The following COP1 variants were observed in gnomAD, a reference collection of about 807,000 sequenced individuals.
COP1 encodes E3 ubiquitin-protein ligase COP1.
In COP1, 24 loss-of-function variants were observed where a neutral mutation model predicts 101.3. That is an observed-to-expected ratio of 0.24 (90% confidence interval 0.17 to 0.33). COP1 has a LOEUF of 0.33. Among genes scored for constraint, COP1 ranks in the 10% least tolerant of loss-of-function variants. COP1 has a pLI of 1.00. For synonymous variants in COP1, 347 were observed against 341.9 expected (o/e 1.01, Z -0.17); for missense variants, 663 against 906.2 (o/e 0.73, Z 3.45).
intron 18 of COP1, among the ~76,000 whole-genome samples, chr1:175,973,869 A>T (rs1010338212): frequency 2.6e-5 from 4 of 152,262 alleles, no homozygotes; most frequent in Admixed American, 6.5e-5. Flanking sequence ...AACAGTGAGC[A>T]GCAAGATCTA....
rs185003711 is a variant in COP1 at position 175,962,628 on chromosome 1, T to C, written c.2134-15389A>G. On this transcript the variant is annotated intron_variant, in intron 18 of 19. Coordinates refer to ENST00000367669, the MANE Select transcript of COP1 (RefSeq NM_022457.7). ...TGTAAAACTTTGAATATCAAATAAA[T>C]TTGTATGCCTTTTCTGTTAATCCAT... is the stretch of plus-strand genomic sequence containing the variant. 3.0e-3 allele frequency among the ~76,000 whole-genome samples: 455 copies of C among 152,218 alleles called. 2 individuals carry two copies. The highest frequency in any genetic ancestry group is 0.01 in the African/African-American group (428 of 41,536).
chr1:175,972,710 C>T (rs1359997849), intron 18 of COP1, among the ~76,000 whole-genome samples: 1 of 152,020 alleles, frequency 6.6e-6, no homozygotes, highest in Non-Finnish European at 1.5e-5. Flanking sequence ...AGGTGATCTG[C>T]CCGCCTCGAC....
chr1:175,948,553 C>G (rs1649466599), intron 18 of COP1, among the ~76,000 whole-genome samples: 1 of 152,214 alleles, frequency 6.6e-6, no homozygotes, highest in Non-Finnish European at 1.5e-5. Flanking sequence ...TTCAGCTAAG[C>G]TGAGTTAAAC....
intron 8 of COP1, among the ~76,000 whole-genome samples, chr1:176,134,354 A>G (rs994862329): frequency 6.6e-6 from 1 of 152,058 alleles, no homozygotes; most frequent in Non-Finnish European, 1.5e-5. Context: ...CTCAAGATTC[A>G]GATAGCATAT....
At chr1:176,129,291 T>C (rs1558166125) in intron 8 of COP1, among the ~76,000 whole-genome samples, 1 of 151,852 alleles carries the variant, frequency 6.6e-6, no homozygotes, top group African/African-American at 2.4e-5. Flanking sequence ...AAATAAAAGG[T>C]ATGTCTCAAA....
At chr1:176,092,869 T>C (rs1416504962) in intron 9 of COP1, among the ~76,000 whole-genome samples, 2 of 152,156 alleles carry the variant, frequency 1.3e-5, no homozygotes. Flanking sequence ...AGGGAAACTC[T>C]TGCACCTGTG....
chr1:175,952,940 T>C (rs1344997208), intron 18 of COP1, among the ~76,000 whole-genome samples: 1 of 152,028 alleles, frequency 6.6e-6, no homozygotes, highest in Non-Finnish European at 1.5e-5. Flanking sequence ...GGGATGAATA[T>C]TGTGAGAAAT....
At chr1:176,183,452 A>G (rs1698042914) in intron 2 of COP1, among the ~76,000 whole-genome samples, 1 of 152,230 alleles carries the variant, frequency 6.6e-6, no homozygotes, top group African/African-American at 2.4e-5. Context: ...ACAACAGAAA[A>G]TAAGAGTTGG....
intron 8 of COP1, among the ~76,000 whole-genome samples, chr1:176,126,899 T>C (rs1688077852): frequency 6.6e-6 from 1 of 152,180 alleles, no homozygotes; most frequent in South Asian, 2.1e-4. Context: ...ACTACAGTTT[T>C]TGGAACAGTT....
intron 8 of COP1, among the ~76,000 whole-genome samples, chr1:176,134,240 T>C (rs1689432845): frequency 6.6e-6 from 1 of 152,048 alleles, no homozygotes; most frequent in Non-Finnish European, 1.5e-5. Context: ...TAAGATTCCA[T>C]TAAATCGTTA....
intron 15 of COP1, among the ~76,000 whole-genome samples, chr1:175,994,944 T>A (rs941196831): frequency 2.0e-5 from 3 of 152,134 alleles, no homozygotes; most frequent in Admixed American, 1.3e-4. Flanking sequence ...GAATATACAT[T>A]TTTTTCAGCA....
At position 176,112,909 on chromosome 1, in the gene COP1, G is replaced by A. The variant is rs374518525; in HGVS notation, c.1026+3715C>T. Among the ~76,000 whole-genome samples, 26 of 152,080 alleles carry A rather than the reference G, an allele frequency of 1.7e-4. 1 individual carries two copies. In the East Asian group the frequency reaches 3.7e-3, roughly 21 times the overall value. Reference sequence around the variant, plus strand: ...ATGACAGGATTTCATTCTTTTTTACGGCTGAATAATATTCCAATGTGTATA... The same window carrying A: ...ATGACAGGATTTCATTCTTTTTTACAGCTGAATAATATTCCAATGTGTATA... On this transcript the variant is annotated intron_variant, in intron 9 of 19. Coordinates refer to ENST00000367669, the MANE Select transcript of COP1 (RefSeq NM_022457.7).
intron 11 of COP1, among the ~76,000 whole-genome samples, chr1:176,062,150 G>A (rs976393585): frequency 1.3e-5 from 2 of 151,990 alleles, no homozygotes; most frequent in Admixed American, 6.6e-5. Context: ...ACAGGCGCCC[G>A]CCAGCACGCC....
rs2149397893 is a variant in COP1, at chr1:176,081,190, A to G, written c.1239T>C (p.Tyr413=). The G allele has an allele frequency of 6.8e-6, 11 of 1,611,138 alleles. No individual in the cohort carries two copies. The highest frequency in any genetic ancestry group is 7.6e-6 in the Non-Finnish European group (9 of 1,177,964). Residue 413 remains tyrosine (Y), a synonymous_variant, in exon 11 of 20, where the codon TAT becomes TAC. Transcript: ENST00000367669. ...TGGAACCATTATAGAGATCACTAGC[A>G]TATGACAATGTGGCTAAAGGTCGTA... The part of the protein sequence containing the change: ...NSVRPLATLS[Y]ASDLYNGSSI...
chr1:176,003,080 T>A (rs1662148583), intron 15 of COP1, among the ~76,000 whole-genome samples: 1 of 151,868 alleles, frequency 6.6e-6, no homozygotes, highest in East Asian at 1.9e-4. Context: ...CTCATTGTGG[T>A]TTTGATTTGC....
intron 1 of COP1, among the ~76,000 whole-genome samples, chr1:176,192,900 T>C (rs940335241): frequency 2.0e-5 from 3 of 152,174 alleles, no homozygotes; most frequent in African/African-American, 7.2e-5. Context: ...GTTGTTTCAG[T>C]AGTTAAGTTT....
intron 11 of COP1, among the ~76,000 whole-genome samples, chr1:176,048,836 T>A (rs972423430): frequency 1.3e-5 from 2 of 152,178 alleles, no homozygotes; most frequent in African/African-American, 4.8e-5. Context: ...ATAGCTTAAA[T>A]ACATTACAGG....
chr1:176,041,345 CT>C (rs763371629), intron 14 of COP1, among the ~76,000 whole-genome samples: 11 of 4,332 alleles, frequency 2.5e-3, no homozygotes, highest in Middle Eastern at 0.25. Context: ...GATTTTTTTT[CT>C]TTTTTTCTTT....
At chr1:176,163,557 A>G (rs1212410908) in intron 4 of COP1, among the ~76,000 whole-genome samples, 1 of 152,146 alleles carries the variant, frequency 6.6e-6, no homozygotes, top group Non-Finnish European at 1.5e-5. Flanking sequence ...CACCACCCAA[A>G]ATAATCCTTC....
Sources: allele counts gnomAD v4.1 joint callset (sites outside exome capture counted in the v4.1 genomes callset), GRCh38; gene constraint gnomAD v4.1.1; transcripts MANE v1.5; gene names NCBI Gene and HGNC (gene_info 2026-07-23, HGNC 2026-07-21).